The following SH3GLB1 variants were observed in gnomAD, a reference collection of about 807,000 sequenced individuals.
SH3GLB1 encodes the protein endophilin-B1.
SH3GLB1 carries 17 observed loss-of-function variants against 42.0 expected under a neutral mutation model. That is an observed-to-expected ratio of 0.40 (90% CI 0.28 to 0.61). SH3GLB1 has a LOEUF of 0.61. SH3GLB1 is among the 20% of genes least tolerant of loss of function. The probability of loss-of-function intolerance (pLI) is 0.36; values close to 1 mark genes in which losing one functional copy is unlikely to be tolerated. For missense variants in SH3GLB1, 355 were observed against 426.3 expected (o/e 0.83, Z 1.47); for synonymous variants, 132 against 146.6 (o/e 0.90, Z 0.72).
At position 86,746,842 on chromosome 1, in the gene SH3GLB1, T is replaced by C. The variant is rs971754841; in HGVS notation, c.*3607T>C. 1.3e-5 allele frequency: 2 copies of C among 152,166 alleles called. No homozygotes were observed. The highest frequency in any genetic ancestry group is 2.9e-5 in the Non-Finnish European group (2 of 68,042). The allele number at this position is 152,166 out of a possible 1,614,324, so 9.4% of individuals were successfully genotyped here. A position where few individuals can be genotyped will look rare whatever the true frequency, so the allele number is the denominator to read the frequency against. On this transcript the variant is annotated 3_prime_UTR_variant, in exon 9 of 9. Coordinates refer to ENST00000370558, the MANE Select transcript of SH3GLB1 (RefSeq NM_016009.5). ...AAGATTGCACCACTGCACTCCAACCTGGGTGATAGAATAAGACTCTTGTCT... is the reference window on the plus strand; with the variant it reads ...AAGATTGCACCACTGCACTCCAACCCGGGTGATAGAATAAGACTCTTGTCT...
In SH3GLB1 at chr1:86,722,566, A is replaced by G. The variant is rs150243965; in HGVS notation, c.370A>G (p.Thr124Ala). The change falls in exon 4 of 9, where the codon ACC (threonine) becomes GCC (alanine). Residue 124 changes from threonine to alanine, a missense_variant. By Grantham distance (58) the Thr-to-Ala change is moderately conservative (BLOSUM62 0). Transcript: ENST00000370558. The stretch of plus-strand genomic sequence containing the variant: ...TAATGCCCTTATTAAATGTGGAGAA[A>G]CCCAAAAAAGAATTGGAACAGCAGA... Reference protein sequence around the residue: ...YGNALIKCGETQKRIGTADRE... With the variant: ...YGNALIKCGEAQKRIGTADRE... 31 of 1,599,994 alleles carry G rather than the reference A, an allele frequency of 1.9e-5. No homozygotes were observed. Among genetic ancestry groups the G allele is most frequent in the East Asian group, 1.8e-4 (8 of 44,336 alleles).
intron 1 of SH3GLB1, among the ~76,000 whole-genome samples, chr1:86,711,197 G>T (rs1654190332): frequency 2.6e-5 from 4 of 151,982 alleles, no homozygotes; most frequent in Admixed American, 2.0e-4. Flanking sequence ...GCATTAAATA[G>T]ATGTCTTTGA....
intron 5 of SH3GLB1, among the ~76,000 whole-genome samples, chr1:86,725,313 T>C (rs771200463): frequency 8.6e-5 from 13 of 152,034 alleles, no homozygotes; most frequent in Non-Finnish European, 1.6e-4. Context: ...CAGGCAACGA[T>C]GTTGAATGCG....
At chr1:86,724,937 G>GTA (rs995799239) in intron 5 of SH3GLB1, among the ~76,000 whole-genome samples, 2 of 127,102 alleles carry the variant, frequency 1.6e-5, no homozygotes, top group African/African-American at 6.5e-5. Flanking sequence ...ATATGTGTGT[G>GTA]TATATATATA....
chr1:86,727,886 T>A (rs1202157304), intron 5 of SH3GLB1, among the ~76,000 whole-genome samples: 1 of 151,986 alleles, frequency 6.6e-6, no homozygotes, highest in African/African-American at 2.4e-5. Flanking sequence ...CTCAATAAAT[T>A]TAGAGCACCA....
chr1:86,740,844 ATCT>A (rs1332140413), intron 7 of SH3GLB1, among the ~76,000 whole-genome samples: 1 of 152,184 alleles, frequency 6.6e-6, no homozygotes, highest in Non-Finnish European at 1.5e-5. Flanking sequence ...AGGTGATAAA[ATCT>A]TCTAGAAATG....
chr1:86,742,868 G>C (rs1656123546), intron 8 of SH3GLB1, among the ~76,000 whole-genome samples: 1 of 152,096 alleles, frequency 6.6e-6, no homozygotes, highest in South Asian at 2.1e-4. Flanking sequence ...GGCTAAGGTG[G>C]GAGGATCGTT....
intron 1 of SH3GLB1, among the ~76,000 whole-genome samples, chr1:86,707,347 A>G (rs1374603369): frequency 1.3e-5 from 2 of 152,198 alleles, no homozygotes; most frequent in Middle Eastern, 6.3e-3. Context: ...TTTCAGGGGC[A>G]TTAAGGAGAC....
At chr1:86,705,946 ACTACTTTC>A (rs1441928866) in intron 1 of SH3GLB1, among the ~76,000 whole-genome samples, 14 of 152,236 alleles carry the variant, frequency 9.2e-5, no homozygotes, top group African/African-American at 2.7e-4. Flanking sequence ...CTGTGGCTTT[ACTACTTTC>A]CTTGCCTTTG....
chr1:86,724,259 C>T, intron 4 of SH3GLB1, 54 bp from the exon 5 acceptor site: 1 of 1,281,776 alleles, frequency 7.8e-7, no homozygotes, highest in Non-Finnish European at 1.1e-6. Context: ...TGTGTATGCT[C>T]TTAACAGAAT....
intron 1 of SH3GLB1, among the ~76,000 whole-genome samples, 194 bp downstream of exon 1, chr1:86,705,165 C>T (rs1653767942): frequency 6.6e-6 from 1 of 152,170 alleles, no homozygotes. Flanking sequence ...CCTGCCCAAC[C>T]GCCGCTCCCT....
intron 7 of SH3GLB1, among the ~76,000 whole-genome samples, chr1:86,739,942 T>G (rs1056446125): frequency 5.9e-5 from 9 of 151,986 alleles, no homozygotes; most frequent in African/African-American, 2.2e-4. Context: ...CTCAGGAGTT[T>G]GAGATTAGCC....
chr1:86,712,633 G>A (rs1386481399), intron 1 of SH3GLB1, among the ~76,000 whole-genome samples: 1 of 152,176 alleles, frequency 6.6e-6, no homozygotes, highest in African/African-American at 2.4e-5. Context: ...GTAAATGGAT[G>A]TGCTGAAATG....
intron 5 of SH3GLB1, chr1:86,729,994 T>A: frequency 8.1e-7 from 1 of 1,240,516 alleles, no homozygotes; most frequent in Non-Finnish European, 1.1e-6. Context: ...GTATGCCATT[T>A]AAACAAATAT....
intron 1 of SH3GLB1, among the ~76,000 whole-genome samples, chr1:86,713,228 C>A (rs1442159450): frequency 6.6e-6 from 1 of 151,978 alleles, no homozygotes; most frequent in African/African-American, 2.4e-5. Context: ...TACAGGTGTG[C>A]ACCACCATAC....
At chr1:86,727,447 T>C (rs756216232) in intron 5 of SH3GLB1, among the ~76,000 whole-genome samples, 1 of 152,006 alleles carries the variant, frequency 6.6e-6, no homozygotes, top group Non-Finnish European at 1.5e-5. Flanking sequence ...TCCAAAAACC[T>C]GAAATCTGAA....
intron 1 of SH3GLB1, among the ~76,000 whole-genome samples, chr1:86,712,518 T>C (rs1245029615): frequency 6.6e-6 from 1 of 152,188 alleles, no homozygotes. Flanking sequence ...CAATTATTCT[T>C]ACTTTATTTT....
Position 86,747,157 on chromosome 1 carries a change from G to A in SH3GLB1, c.*3922G>A, listed in dbSNP as rs1656343534. 1 of 152,516 alleles carries A rather than the reference G, an allele frequency of 6.6e-6. No homozygotes were observed. Among genetic ancestry groups the A allele is most frequent in the African/African-American group, 2.4e-5 (1 of 41,390 alleles). The allele number at this position is 152,516 out of a possible 1,614,324, so 9.4% of individuals were successfully genotyped here. On this transcript the variant is annotated 3_prime_UTR_variant, in exon 9 of 9. Transcript: ENST00000370558. Reference sequence around the variant, plus strand: ...TATTTTTATAATTTATTTGTTTAGTGTATATCTGTCACTCTAGAATGTAGG... The same window carrying A: ...TATTTTTATAATTTATTTGTTTAGTATATATCTGTCACTCTAGAATGTAGG...
In SH3GLB1 at chr1:86,704,774, G is replaced by C; in HGVS notation, c.-126G>C. The stretch of plus-strand genomic sequence containing the variant: ...CGGAAACGACAGCTGCGGCTGCGGG[G>C]CTGGCGCCGCCTCCCTCCACCTACC... On this transcript the variant is annotated 5_prime_UTR_variant, in exon 1 of 9. Transcript: ENST00000370558. 1 of 527,904 alleles carries C rather than the reference G, an allele frequency of 1.9e-6. No individual in the cohort carries two copies. The highest frequency in any genetic ancestry group is 2.4e-5 in the South Asian group (1 of 40,946). 32.7% of individuals were successfully genotyped at this position (527,904 alleles called of 1,614,324 possible).
Sources: allele counts gnomAD v4.1 joint callset (sites outside exome capture counted in the v4.1 genomes callset), GRCh38; gene constraint gnomAD v4.1.1; transcripts MANE v1.5; gene names NCBI Gene and HGNC (gene_info 2026-07-23, HGNC 2026-07-21).